The following BDNF variants were observed in gnomAD, a reference collection of about 807,000 sequenced individuals.
BDNF encodes brain derived neurotrophic factor.
Under a neutral mutation model 19.5 loss-of-function variants are expected in BDNF, and 1 was observed. The ratio of observed to expected loss-of-function variants is 0.05; its 90% CI spans 0.02 to 0.24. The LOEUF is 0.24. Ranked by LOEUF, BDNF falls within the 10% of genes least tolerant of loss-of-function variation. The pLI is 1.00. For missense variants in BDNF, 195 were observed against 317.6 expected (o/e 0.61, Z 2.93); for synonymous variants, 100 against 121.6 (o/e 0.82, Z 1.17).
chr11:27,681,049 T>C (rs760788628), intron 1 of BDNF, among the ~76,000 whole-genome samples: 7 of 152,158 alleles, frequency 4.6e-5, no homozygotes, highest in Non-Finnish European at 8.8e-5. Context: ...GAACAAGTAA[T>C]GGGGATAAGA....
intron 1 of BDNF, among the ~76,000 whole-genome samples, chr11:27,694,148 C>T (rs1858674121): frequency 1.3e-5 from 2 of 152,140 alleles, no homozygotes; most frequent in South Asian, 2.1e-4. Flanking sequence ...GCTGGCATCT[C>T]CACTGGCATT....
At chr11:27,690,081 T>A (rs1178779787) in intron 1 of BDNF, among the ~76,000 whole-genome samples, 1 of 152,250 alleles carries the variant, frequency 6.6e-6, no homozygotes, top group African/African-American at 2.4e-5. Context: ...AAATAAATTG[T>A]ATTAATGACA....
chr11:27,699,512 G>A, intron 1 of BDNF: 1 of 1,610,804 alleles, frequency 6.2e-7, no homozygotes. Context: ...AGGGGCGCAG[G>A]ATGGGTAGAG....
chr11:27,662,413 G>A (rs577209045), intron 1 of BDNF, among the ~76,000 whole-genome samples: 17 of 152,234 alleles, frequency 1.1e-4, no homozygotes, highest in African/African-American at 2.2e-4. Context: ...TATAATTTTC[G>A]TAAGAAGCCT....
At chr11:27,663,784 A>G (rs1272615928) in intron 1 of BDNF, among the ~76,000 whole-genome samples, 1 of 152,198 alleles carries the variant, frequency 6.6e-6, no homozygotes, top group Non-Finnish European at 1.5e-5. Flanking sequence ...AAATGTGGAC[A>G]CTGCAGCTAT....
At chr11:27,669,946 G>A (rs565035960) in intron 1 of BDNF, among the ~76,000 whole-genome samples, 286 of 152,180 alleles carry the variant, frequency 1.9e-3, no homozygotes, top group Non-Finnish European at 2.9e-3. Context: ...AGCCCGCATC[G>A]CCAAGACAAT....
chr11:27,718,980 G>A (rs1485718589), intron 1 of BDNF, among the ~76,000 whole-genome samples: 2 of 152,126 alleles, frequency 1.3e-5, no homozygotes, highest in African/African-American at 2.4e-5. Context: ...CTCTGTGGCC[G>A]GAACAAAAGG....
chr11:27,699,343 C>T (rs1859607359), intron 1 of BDNF: 1 of 1,613,264 alleles, frequency 6.2e-7, no homozygotes, highest in Non-Finnish European at 8.5e-7. Context: ...ACAGAGCCCC[C>T]AATCCTCAGC....
intron 1 of BDNF, among the ~76,000 whole-genome samples, chr11:27,683,640 C>T (rs1037511553): frequency 2.0e-5 from 3 of 152,132 alleles, no homozygotes; most frequent in Non-Finnish European, 4.4e-5. Context: ...CCAGTTTTCC[C>T]GACACCATTT....
At chr11:27,718,354 A>ACCCCCCCCCCT (rs376255605) in intron 1 of BDNF, among the ~76,000 whole-genome samples, 2 of 101,112 alleles carry the variant, frequency 2.0e-5, no homozygotes, top group Non-Finnish European at 4.1e-5. Context: ...TCCGCACACC[A>ACCCCCCCCCCT]CCCCCCCCCG....
At chr11:27,717,173 T>G (rs1860546229) in intron 1 of BDNF, among the ~76,000 whole-genome samples, 1 of 152,142 alleles carries the variant, frequency 6.6e-6, no homozygotes, top group Non-Finnish European at 1.5e-5. Flanking sequence ...CTTATTTATG[T>G]TGATTTTAGA....
At chr11:27,659,867 G>A (rs1853180420) in intron 1 of BDNF, among the ~76,000 whole-genome samples, 1 of 152,160 alleles carries the variant, frequency 6.6e-6, no homozygotes, top group African/African-American at 2.4e-5. Context: ...GCTCTAGGAA[G>A]CCAATTAAAA....
At chr11:27,686,695 T>A (rs7482752) in intron 1 of BDNF, among the ~76,000 whole-genome samples, 72,253 of 151,986 alleles carry the variant, frequency 0.48, 17,397 homozygotes, top group Admixed American at 0.54. Flanking sequence ...GGTTGAAAAT[T>A]CTTTTCTTTA....
intron 1 of BDNF, chr11:27,720,449 A>G (rs990236089): frequency 2.0e-6 from 2 of 985,722 alleles, no homozygotes; most frequent in Non-Finnish European, 2.4e-6. Context: ...CCAAGAGTCT[A>G]TTCCAGCCTA....
intron 1 of BDNF, among the ~76,000 whole-genome samples, chr11:27,718,749 T>C (rs1860628310): frequency 6.6e-6 from 1 of 152,110 alleles, no homozygotes; most frequent in Non-Finnish European, 1.5e-5. Context: ...CTTTTCCTTC[T>C]GAATTTCCAC....
At chr11:27,693,982 T>C (rs1858643719) in intron 1 of BDNF, among the ~76,000 whole-genome samples, 1 of 152,178 alleles carries the variant, frequency 6.6e-6, no homozygotes, top group Admixed American at 6.5e-5. Flanking sequence ...ATTTTTTTTT[T>C]CTGAAAAAGA....
At chr11:27,695,652 C>T (rs1336310246) in intron 1 of BDNF, among the ~76,000 whole-genome samples, 1 of 152,120 alleles carries the variant, frequency 6.6e-6, no homozygotes, top group Admixed American at 6.5e-5. Context: ...TCTCTAGGCT[C>T]TCTGGAAATA....
At chr11:27,659,113 A>G in intron 1 of BDNF, 1 of 1,005,868 alleles carries the variant, frequency 9.9e-7, no homozygotes, top group Non-Finnish European at 1.2e-6. Flanking sequence ...ACAATAAAAC[A>G]GCAGTTGGGG....
In BDNF at chr11:27,699,371, AACTC is replaced by A. The variant is rs578259278; in HGVS notation, c.-22+789_-22+792del. The A allele has an allele frequency of 4.2e-4, 683 of 1,614,034 alleles. 1 individual carries two copies. Among genetic ancestry groups the A allele is most frequent in the African/African-American group, 2.5e-3 (191 of 75,006 alleles). On this transcript the variant is annotated intron_variant, in intron 1 of 1. Transcript: ENST00000356660. Reference sequence around the variant, plus strand: ...TCCTCAGCTATTTCTTTCCAGGAGTAACTCACTCACCCATTCCTCTTCCCGGCTC... The same window carrying A: ...TCCTCAGCTATTTCTTTCCAGGAGTAACTCACCCATTCCTCTTCCCGGCTC...
Sources: allele counts gnomAD v4.1 joint callset (sites outside exome capture counted in the v4.1 genomes callset), GRCh38; gene constraint gnomAD v4.1.1; transcripts MANE v1.5; gene names NCBI Gene and HGNC (gene_info 2026-07-23, HGNC 2026-07-21).